The following SLC11A1 variants were observed in gnomAD, a reference collection of about 807,000 sequenced individuals.
SLC11A1 encodes solute carrier family 11 member 1.
Under a neutral mutation model 63.2 loss-of-function variants are expected in SLC11A1, and 59 were observed. The ratio of observed to expected loss-of-function variants is 0.93; its 90% CI spans 0.76 to 1.16. The LOEUF (loss-of-function observed/expected upper bound fraction) is 1.16, where lower values mean the gene tolerates loss of function less well. SLC11A1 is among the 50% of genes most tolerant of loss of function. The pLI is 0.00. For missense variants in SLC11A1, 688 were observed against 730.7 expected, an observed-to-expected ratio of 0.94 and a Z score of 0.67; for synonymous variants, 305 against 307.8, an observed-to-expected ratio of 0.99 and a Z score of 0.09.
chr2:218,387,217 C>T lies in SLC11A1; in HGVS notation c.558C>T (p.Phe186=), dbSNP rs893902967. The change falls in exon 6 of 15, where the codon TTC becomes TTT. Residue 186 remains phenylalanine (F), a synonymous_variant. Transcript: ENST00000233202. ...ITIVDTFFFL[F]LDNYGLRKLE... ...TCGTGGACACCTTCTTCTTCCTCTTCCTCGATAACTACGGTGGGTGCACAC... is the reference window on the plus strand; with the variant it reads ...TCGTGGACACCTTCTTCTTCCTCTTTCTCGATAACTACGGTGGGTGCACAC... 4.3e-6 allele frequency: 7 copies of T among 1,613,590 alleles called. No homozygotes were observed. The highest frequency in any genetic ancestry group is 1.6e-4 in the Middle Eastern group (1 of 6,082).
rs1043678723 is a variant in SLC11A1, at chr2:218,384,584, A to C, written c.273+219A>C. ...TCCTCTCTTTAAAATATATATATGT[A>C]TATTTATTTATTTATTTATTTAATT... On this transcript the variant is annotated intron_variant, in intron 3 of 14. Transcript: ENST00000233202. This position sits in a 1 kb window ranked among gnomAD's most constrained non-coding sequence, Gnocchi z 4.0. 5.5e-6 allele frequency: 1 copy of C among 181,348 alleles called. No homozygotes were observed. Among genetic ancestry groups the C allele is most frequent in the African/African-American group, 2.4e-5 (1 of 42,036 alleles). 11.2% of individuals were successfully genotyped at this position (181,348 alleles called of 1,614,324 possible).
Position 218,387,782 on chromosome 2 carries a change from C to G in SLC11A1, c.640-18C>G. ...TTGCGAGGGGCGGGGCTTGTCCTGA[C>G]CAGGCTCCTCCCTGCAGTATGTGGT... On this transcript the variant is annotated intron_variant, in intron 7 of 14. Coordinates refer to ENST00000233202, the MANE Select transcript of SLC11A1 (RefSeq NM_000578.4). The G allele has an allele frequency of 6.2e-7, 1 of 1,610,714 alleles. No individual in the cohort carries two copies. Among genetic ancestry groups the G allele is most frequent in the Non-Finnish European group, 8.5e-7 (1 of 1,179,022 alleles).
chr2:218,396,319 G>C lies in SLC11A1; in HGVS notation c.*1284G>C, dbSNP rs1391943048. 6.6e-6 allele frequency: 1 copy of C among 152,370 alleles called. No homozygotes were observed. The highest frequency in any genetic ancestry group is 1.5e-5 in the Non-Finnish European group (1 of 68,094). 9.4% of individuals were successfully genotyped at this position (152,370 alleles called of 1,614,324 possible). ...GCACTTTATAGACGTTCCCTAGGCT[G>C]TTTCTAGGCTCCCCCAAGTCCCTCC... On this transcript the variant is annotated 3_prime_UTR_variant, in exon 15 of 15. Coordinates refer to ENST00000233202, the MANE Select transcript of SLC11A1 (RefSeq NM_000578.4).
In SLC11A1 at chr2:218,383,089, C is replaced by A. The variant is rs1695891872; in HGVS notation, c.137C>A (p.Pro46Gln). ...TACCTGAGTGAGAAGATCCCCATCC[C>A]AGACACAAAACCGGTGGGATGCTGG... is the stretch of plus-strand genomic sequence containing the variant. ...ETYLSEKIPIPDTKPGTFSLR... is the reference protein window; with the variant it reads ...ETYLSEKIPIQDTKPGTFSLR... The change falls in exon 2 of 15, where the codon CCA (proline) becomes CAA (glutamine). Residue 46 changes from proline to glutamine, a missense_variant. Physicochemically the swap from Pro to Gln is moderately conservative, Grantham distance 76. Transcript: ENST00000233202. 1 of 1,613,734 alleles carries A rather than the reference C, an allele frequency of 6.2e-7. No homozygotes were observed. Among genetic ancestry groups the A allele is most frequent in the African/African-American group, 1.3e-5 (1 of 74,904 alleles).
chr2:218,382,970 T>A lies in SLC11A1; in HGVS notation c.18T>A (p.Gly6=), dbSNP rs1574758408. The A allele has an allele frequency of 2.5e-6, 4 of 1,613,676 alleles. No individual in the cohort carries two copies. The African/African-American group carries it at 5.4e-5, about 22-fold the overall frequency. ...CATGGGCCCCCACAGGTGACAAGGGTCCCCAAAGGCTAAGCGGGTCCAGCT... is the reference window on the plus strand; with the variant it reads ...CATGGGCCCCCACAGGTGACAAGGGACCCCAAAGGCTAAGCGGGTCCAGCT... The part of the protein sequence containing the change: MTGDK[G]PQRLSGSSYG... Residue 6 remains glycine (G), a synonymous_variant, in exon 2 of 15, where the codon GGT becomes GGA. Coordinates refer to ENST00000233202, the MANE Select transcript of SLC11A1 (RefSeq NM_000578.4).
intron 6 of SLC11A1, 48 bp from the exon 7 acceptor site, chr2:218,387,517 A>G: frequency 6.3e-7 from 1 of 1,597,178 alleles, no homozygotes; most frequent in Non-Finnish European, 8.6e-7. Flanking sequence ...TGTTGATGTC[A>G]CAGATTTTTT....
At chr2:218,383,210 C>A in intron 2 of SLC11A1, 108 bp downstream of exon 2, 1 of 1,311,292 alleles carries the variant, frequency 7.6e-7, no homozygotes. Context: ...CAAGTCCCTT[C>A]CAGGTCTGAG....
In SLC11A1 at chr2:218,396,581, T is replaced by G. The variant is rs926314719; in HGVS notation, c.*1546T>G. 6.6e-6 allele frequency: 1 copy of G among 152,410 alleles called. No individual in the cohort carries two copies. The highest frequency in any genetic ancestry group is 6.5e-5 in the Admixed American group (1 of 15,274). 9.4% of individuals were successfully genotyped at this position (152,410 alleles called of 1,614,324 possible). ...AAGGGCAACGATGCGAGTGGGTCCCTCAAGGAGAGAAGAGATGGGACCGGT... is the reference window on the plus strand; with the variant it reads ...AAGGGCAACGATGCGAGTGGGTCCCGCAAGGAGAGAAGAGATGGGACCGGT... On this transcript the variant is annotated 3_prime_UTR_variant, in exon 15 of 15. Transcript: ENST00000233202.
intron 11 of SLC11A1, chr2:218,391,742 C>T: frequency 2.3e-6 from 1 of 438,322 alleles, no homozygotes. Context: ...CCTGCTTCAG[C>T]CTCCTCAGTA....
intron 11 of SLC11A1, chr2:218,392,442 C>T (rs537164807): frequency 6.3e-6 from 1 of 158,792 alleles, no homozygotes. Flanking sequence ...CTCGCTGCAG[C>T]CTCAACTTCA....
At chr2:218,392,921 C>T (rs953765345) in intron 11 of SLC11A1, 60 bp from the exon 12 acceptor site, 33 of 1,336,958 alleles carry the variant, frequency 2.5e-5, no homozygotes, top group Non-Finnish European at 3.3e-5. Context: ...TACAGAGGAT[C>T]TCTCCTCTGG....
At chr2:218,387,008 A>AGTGTGGGAG in intron 5 of SLC11A1, 152 bp from the exon 6 acceptor site, 1 of 742,846 alleles carries the variant, frequency 1.3e-6, no homozygotes, top group South Asian at 1.5e-5. Context: ...CGACTGTTCT[A>AGTGTGGGAG]TGCCACACTC....
chr2:218,388,999 T>C (rs1272721192), intron 8 of SLC11A1, among the ~76,000 whole-genome samples: 3 of 151,964 alleles, frequency 2.0e-5, no homozygotes, highest in Admixed American at 2.0e-4. Flanking sequence ...TGCACACCTG[T>C]AGTCCTAGTT....
Position 218,395,117 on chromosome 2 carries a change from G to A in SLC11A1, c.*82G>A, listed in dbSNP as rs1262399498. The A allele has an allele frequency of 9.3e-7, 1 of 1,078,434 alleles. No homozygotes were observed. Among genetic ancestry groups the A allele is most frequent in the Non-Finnish European group, 1.4e-6 (1 of 733,292 alleles). 66.8% of individuals were successfully genotyped at this position (1,078,434 alleles called of 1,614,324 possible). A position where few individuals can be genotyped will look rare whatever the true frequency, so the allele number is the denominator to read the frequency against. Reference sequence around the variant, plus strand: ...GTGGAGGGGGCGCGTGCAGGCAGCAGGATAGAGTGGGACAGTTCCTGAGAC... The same window carrying A: ...GTGGAGGGGGCGCGTGCAGGCAGCAAGATAGAGTGGGACAGTTCCTGAGAC... On this transcript the variant is annotated 3_prime_UTR_variant, in exon 15 of 15. Coordinates refer to ENST00000233202, the MANE Select transcript of SLC11A1 (RefSeq NM_000578.4).
chr2:218,390,137 A>T lies in SLC11A1; in HGVS notation c.954+109A>T, dbSNP rs1410780527. The T allele has an allele frequency of 1.5e-5, 17 of 1,156,420 alleles. No individual in the cohort carries two copies. The Admixed American group carries it at 4.4e-4, about 30-fold the overall frequency. The allele number at this position is 1,156,420 out of a possible 1,614,324, so 71.6% of individuals were successfully genotyped here. A position where few individuals can be genotyped will look rare whatever the true frequency, so the allele number is the denominator to read the frequency against. On this transcript the variant is annotated intron_variant, in intron 9 of 14. Coordinates refer to ENST00000233202, the MANE Select transcript of SLC11A1 (RefSeq NM_000578.4). The stretch of plus-strand genomic sequence containing the variant: ...TGAGCCCTTCTGAGTCTCTGCCCTG[A>T]TGATCTTCCCTGTTGGCAGATATCA...
At position 218,393,097 on chromosome 2, in the gene SLC11A1, CAAT is replaced by C; in HGVS notation, c.1282_1284del (p.Asn428del). On this transcript the variant is annotated inframe_deletion, in exon 12 of 15. Coordinates refer to ENST00000233202, the MANE Select transcript of SLC11A1 (RefSeq NM_000578.4). ...GGGACCTGAGGGACTTGTCGGGCCT[CAAT>C]GATCTGCTCAACGTGCTGCAGAGCC... The C allele has an allele frequency of 6.3e-6, 10 of 1,593,120 alleles. No homozygotes were observed. Among genetic ancestry groups the C allele is most frequent in the Non-Finnish European group, 8.5e-6 (10 of 1,174,804 alleles).
chr2:218,394,630 A>G lies in SLC11A1; in HGVS notation c.1389-2A>G, dbSNP rs1423038318. 6.2e-7 allele frequency: 1 copy of G among 1,613,464 alleles called. No homozygotes were observed. The highest frequency in any genetic ancestry group is 1.1e-5 in the South Asian group (1 of 91,084). On this transcript the variant is annotated splice_acceptor_variant, in intron 13 of 14. Transcript: ENST00000233202. LOFTEE classifies it high-confidence loss of function. ...GTCCTGAGCCTCTCTCGTGTCCCCC[A>G]GGCTGAACAAGGTCGTCACCTCTTC...
At position 218,386,741 on chromosome 2, in the gene SLC11A1, G is replaced by C. The variant is rs770642709; in HGVS notation, c.500G>C (p.Arg167Pro). The C allele has an allele frequency of 6.2e-7, 1 of 1,611,260 alleles. No individual in the cohort carries two copies. Among genetic ancestry groups the C allele is most frequent in the East Asian group, 2.2e-5 (1 of 44,856 alleles). The change falls in exon 5 of 15, where the codon CGA becomes CCA. Residue 167 changes from arginine to proline, a missense_variant and splice_region_variant. By Grantham distance (103) the Arg-to-Pro change is moderately radical. Transcript: ENST00000233202. The stretch of plus-strand genomic sequence containing the variant: ...GCATTCAATCTGCTCTCAGCTGGAC[G>C]GTACCACCCCAGTGTACCCCAACTC... ...AIAFNLLSAG[R>P]IPLWGGVLIT...
chr2:218,387,714 G>T (rs1031995680), intron 7 of SLC11A1, 82 bp downstream of exon 7: 33 of 1,611,198 alleles, frequency 2.0e-5, no homozygotes, highest in Admixed American at 3.3e-5. Context: ...GCTGCGGGGG[G>T]CTGGGGTGGG....
Sources: gnomAD v4.1 joint callset for allele counts (sites outside exome capture counted in the v4.1 genomes callset) on GRCh38, gnomAD v4.1.1 for gene constraint, Gnocchi (gnomAD v3.1) non-coding constraint, MANE v1.5 for transcripts, NCBI Gene and HGNC (gene_info 2026-07-23, HGNC 2026-07-21) for gene names.